Variants in TMEM128 observed in about 807,000 individuals in gnomAD.
The protein encoded by TMEM128 is transmembrane protein 128.
In TMEM128, 16 loss-of-function variants were observed where a neutral mutation model predicts 19.7. The ratio of observed to expected loss-of-function variants is 0.81; its 90% confidence interval spans 0.55 to 1.23. The LOEUF (loss-of-function observed/expected upper bound fraction) is 1.23. Among genes scored for constraint, TMEM128 ranks in the 50% most tolerant of loss-of-function variants. TMEM128 has a pLI of 0.00. For missense variants in TMEM128, 237 were observed against 200.8 expected (o/e 1.18, Z -1.09); for synonymous variants, 98 against 75.8 (o/e 1.29, Z -1.52).
intron 2 of TMEM128, among the ~76,000 whole-genome samples, chr4:4,244,859 C>A (rs1718104191): frequency 6.6e-6 from 1 of 152,182 alleles, no homozygotes; most frequent in Admixed American, 6.5e-5. Flanking sequence ...CCACCTCCCA[C>A]AAAGGAGTGA....
At position 4,235,587 on chromosome 4, in the gene TMEM128, T is replaced by C. The variant is rs1359154150; in HGVS notation, c.*679A>G. On this transcript the variant is annotated 3_prime_UTR_variant, in exon 5 of 5. Transcript: ENST00000382753. ...TTTAAATGATACAGAAAAAAATGTATACTTAAAAGTGATTAAAACTTCACA... is the reference window on the plus strand; with the variant it reads ...TTTAAATGATACAGAAAAAAATGTACACTTAAAAGTGATTAAAACTTCACA... 7 of 152,634 alleles carry C rather than the reference T, an allele frequency of 4.6e-5. No homozygotes were observed. In the East Asian group the frequency reaches 1.3e-3, roughly 29 times the overall value. 9.5% of individuals were successfully genotyped at this position (152,634 alleles called of 1,614,324 possible). A position where few individuals can be genotyped will look rare whatever the true frequency, so the allele number is the denominator to read the frequency against.
At chr4:4,245,621 A>T (rs909622809) in intron 2 of TMEM128, among the ~76,000 whole-genome samples, 1 of 152,086 alleles carries the variant, frequency 6.6e-6, no homozygotes, top group Non-Finnish European at 1.5e-5. Context: ...AATAATTTCC[A>T]GTTCTATTCC....
In TMEM128 at chr4:4,236,979, G is replaced by A. The variant is rs1577192375; in HGVS notation, c.*10-723C>T. 9.7e-6 allele frequency: 4 copies of A among 411,958 alleles called. No homozygotes were observed. In the East Asian group the frequency reaches 2.3e-4, roughly 24 times the overall value. 25.5% of individuals were successfully genotyped at this position (411,958 alleles called of 1,614,324 possible). A position where few individuals can be genotyped will look rare whatever the true frequency, so the allele number is the denominator to read the frequency against. On this transcript the variant is annotated intron_variant, in intron 4 of 4. Coordinates refer to ENST00000382753, the MANE Select transcript of TMEM128 (RefSeq NM_001297551.2). ...CTCACCATGCCCCTAAGCATCTGGA[G>A]TGAGTATTCTCAATATACACTTATT...
chr4:4,245,863 G>C (rs1173759769), intron 2 of TMEM128, among the ~76,000 whole-genome samples: 1 of 151,888 alleles, frequency 6.6e-6, no homozygotes, highest in African/African-American at 2.4e-5. Context: ...CCACAATCAA[G>C]TTAATTATCA....
chr4:4,246,168 G>A, intron 2 of TMEM128, 34 bp downstream of exon 2: 2 of 1,571,946 alleles, frequency 1.3e-6, no homozygotes, highest in Non-Finnish European at 1.7e-6. Flanking sequence ...AATCAGACTT[G>A]GGTTTAATTT....
At chr4:4,241,964 G>A (rs1378576014) in intron 2 of TMEM128, among the ~76,000 whole-genome samples, 1 of 152,020 alleles carries the variant, frequency 6.6e-6, no homozygotes, top group African/African-American at 2.4e-5. Context: ...GTGCAGTGCT[G>A]CAATCTCAGC....
At chr4:4,245,489 G>A (rs1718130441) in intron 2 of TMEM128, among the ~76,000 whole-genome samples, 2 of 152,080 alleles carry the variant, frequency 1.3e-5, no homozygotes, top group South Asian at 2.1e-4. Context: ...CTTCCTCCCA[G>A]TACTCTTGTA....
intron 4 of TMEM128, among the ~76,000 whole-genome samples, chr4:4,237,622 C>T (rs973496619): frequency 7.2e-5 from 11 of 152,146 alleles, no homozygotes; most frequent in Admixed American, 6.5e-4. Context: ...CCAGCCTGGA[C>T]AACAGAGTGA....
intron 2 of TMEM128, among the ~76,000 whole-genome samples, chr4:4,243,119 G>A (rs58933367): frequency 0.31 from 47,020 of 151,908 alleles, 7,884 homozygotes; most frequent in East Asian, 0.46. Flanking sequence ...TCGCTCTGTC[G>A]CCCAGGCTGG....
chr4:4,243,522 T>C (rs1718045977), intron 2 of TMEM128, among the ~76,000 whole-genome samples: 1 of 152,166 alleles, frequency 6.6e-6, no homozygotes. Context: ...ATTTTAGCCA[T>C]TTTCCAAAAG....
intron 2 of TMEM128, among the ~76,000 whole-genome samples, chr4:4,244,506 T>G (rs1482563415): frequency 6.6e-6 from 1 of 152,036 alleles, no homozygotes; most frequent in Non-Finnish European, 1.5e-5. Context: ...AAAGTATCCA[T>G]CCCTCTTTTC....
chr4:4,235,821 A>C lies in TMEM128; in HGVS notation c.*445T>G, dbSNP rs1717697284. 6.6e-6 allele frequency: 1 copy of C among 152,666 alleles called. No homozygotes were observed. The highest frequency in any genetic ancestry group is 6.5e-5 in the Admixed American group (1 of 15,286). 9.5% of individuals were successfully genotyped at this position (152,666 alleles called of 1,614,324 possible). ...TTATACAAGGAACTGCTATCCCTTA[A>C]ATGGAAGAGTGAACTACTTGTTTAA... On this transcript the variant is annotated 3_prime_UTR_variant, in exon 5 of 5. Coordinates refer to ENST00000382753, the MANE Select transcript of TMEM128 (RefSeq NM_001297551.2).
chr4:4,241,297 C>T (rs1717949228), intron 2 of TMEM128, among the ~76,000 whole-genome samples: 1 of 152,128 alleles, frequency 6.6e-6, no homozygotes, highest in African/African-American at 2.4e-5. Flanking sequence ...TGAAATCCTC[C>T]CATTTTCAAA....
At chr4:4,248,039 C>T (rs1433153039) in intron 1 of TMEM128, 67 bp downstream of exon 1, 4 of 1,524,690 alleles carry the variant, frequency 2.6e-6, no homozygotes, top group African/African-American at 1.4e-5. Context: ...GCCAGGGCTG[C>T]CGGAGGCCGG....
chr4:4,247,457 A>G, intron 1 of TMEM128: 2 of 1,113,750 alleles, frequency 1.8e-6, no homozygotes, highest in South Asian at 1.5e-5. Context: ...TTTAAAACAT[A>G]TGAGATAAAA....
chr4:4,247,980 A>T (rs1423736259), intron 1 of TMEM128, 126 bp downstream of exon 1: 1 of 1,451,604 alleles, frequency 6.9e-7, no homozygotes, highest in East Asian at 2.6e-5. Flanking sequence ...ATCTTCCCTG[A>T]CATTAAATAT....
chr4:4,238,245 G>T (rs554805521), intron 3 of TMEM128, among the ~76,000 whole-genome samples: 1 of 152,070 alleles, frequency 6.6e-6, no homozygotes, highest in Non-Finnish European at 1.5e-5. Flanking sequence ...TAATTTAAAT[G>T]GCTACAGCCC....
At chr4:4,239,038 A>G (rs66858807) in intron 3 of TMEM128, among the ~76,000 whole-genome samples, 25,413 of 152,122 alleles carry the variant, frequency 0.17, 2,201 homozygotes, top group East Asian at 0.3. Flanking sequence ...CCCTATCTCC[A>G]AAAAGAAAAA....
chr4:4,248,182 C>T lies in TMEM128; in HGVS notation c.21G>A (p.Arg7=), dbSNP rs2272746. ...GGAGGAATCGCCGCCGGAGCTGCTG[C>T]CGGGCCCGCGAGGAGTCCATCTTGG... The part of the protein sequence containing the change: MDSSRA[R]QQLRRRFLLL... The change falls in exon 1 of 5, where the codon CGG becomes CGA. Residue 7 remains arginine, a synonymous_variant. Coordinates refer to ENST00000382753, the MANE Select transcript of TMEM128 (RefSeq NM_001297551.2). 582,457 of 1,528,020 alleles carry T rather than the reference C, an allele frequency of 0.38. 113,460 individuals are homozygous for T. The highest frequency in any genetic ancestry group is 0.41 in the East Asian group (16,504 of 39,842). The allele number at this position is 1,528,020 out of a possible 1,614,324, so 94.7% of individuals were successfully genotyped here.
Sources: allele counts gnomAD v4.1 joint callset (sites outside exome capture counted in the v4.1 genomes callset), GRCh38; gene constraint gnomAD v4.1.1; transcripts MANE v1.5; gene names NCBI Gene and HGNC (gene_info 2026-07-23, HGNC 2026-07-21).